SPOP: variants seen among roughly 807,000 people sequenced by gnomAD.
SPOP encodes speckle type BTB/POZ protein.
SPOP carries 11 observed loss-of-function variants against 45.6 expected under a neutral mutation model. That is an observed-to-expected ratio of 0.24 (90% CI 0.15 to 0.40). SPOP has a LOEUF of 0.40. Among genes scored for constraint, SPOP ranks in the 10% least tolerant of loss-of-function variants. The pLI, the probability that SPOP is intolerant of heterozygous loss-of-function variation, is 1.00. For synonymous variants in SPOP, 166 were observed against 166.3 expected (o/e 1.00, Z 0.01); for missense variants, 152 against 465.6 (o/e 0.33, Z 6.20).
intron 1 of SPOP, among the ~76,000 whole-genome samples, chr17:49,631,006 C>A (rs1161321959): frequency 6.6e-6 from 1 of 152,200 alleles, no homozygotes; most frequent in African/African-American, 2.4e-5. Flanking sequence ...TGTTTGATAA[C>A]ACTTACCCAG....
At chr17:49,676,073 T>G (rs140586956) in intron 1 of SPOP, 1 of 152,004 alleles carries the variant, frequency 6.6e-6, no homozygotes. Flanking sequence ...CGAAACCTAC[T>G]GAGAAGACGG....
intron 1 of SPOP, among the ~76,000 whole-genome samples, chr17:49,647,127 T>TA (rs2072770894): frequency 6.6e-6 from 1 of 150,872 alleles, no homozygotes; most frequent in Non-Finnish European, 1.5e-5. Flanking sequence ...CTGTCTCTAT[T>TA]AAAAAATACA....
chr17:49,663,990 G>A (rs935241349), intron 1 of SPOP, among the ~76,000 whole-genome samples: 9 of 152,166 alleles, frequency 5.9e-5, no homozygotes, highest in African/African-American at 2.2e-4. Flanking sequence ...TAAACATTTA[G>A]AAGATCTGCT....
chr17:49,678,126 G>A (rs1048493666), upstream of SPOP: 19 of 395,374 alleles, frequency 4.8e-5, no homozygotes, highest in Admixed American at 1.3e-4. Context: ...CGCAGCCAGC[G>A]CGTACCGCCA....
intron 1 of SPOP, among the ~76,000 whole-genome samples, chr17:49,643,515 T>C (rs1860763449): frequency 6.6e-6 from 1 of 152,212 alleles, no homozygotes. Flanking sequence ...CTAAGAATGC[T>C]TCAAGAAACC....
intron 1 of SPOP, among the ~76,000 whole-genome samples, chr17:49,653,605 G>A (rs2072870548): frequency 6.6e-6 from 1 of 151,688 alleles, no homozygotes. Context: ...TTTTGATATT[G>A]TCAAATTGCC....
At chr17:49,617,923 C>CA (rs907445153) in intron 5 of SPOP, among the ~76,000 whole-genome samples, 3,225 of 55,342 alleles carry the variant, frequency 0.058, 131 homozygotes, top group African/African-American at 0.15. Context: ...GACTCCGTCT[C>CA]AAAAAAAAAA....
In SPOP at chr17:49,617,659, C is replaced by T. The variant is rs193198929; in HGVS notation, c.480+1322G>A. Among the ~76,000 whole-genome samples, 26 of 152,206 alleles carry T rather than the reference C, an allele frequency of 1.7e-4. No homozygotes were observed. In the East Asian group the frequency reaches 5.0e-3, roughly 29 times the overall value. Reference sequence around the variant, plus strand: ...AGAAGGCTGGCTGGGCGTGGTGGCTCACATCTGTAATCCCAACACTTTGGC... The same window carrying T: ...AGAAGGCTGGCTGGGCGTGGTGGCTTACATCTGTAATCCCAACACTTTGGC... On this transcript the variant is annotated intron_variant, in intron 5 of 9. Transcript: ENST00000504102.
chr17:49,656,667 GC>G (rs1388385171), intron 1 of SPOP, among the ~76,000 whole-genome samples: 1 of 152,052 alleles, frequency 6.6e-6, no homozygotes, highest in Admixed American at 6.6e-5. Flanking sequence ...TTTCCTAACT[GC>G]CCCAGTATAC....
intron 9 of SPOP, 90 bp downstream of exon 9, chr17:49,601,775 T>C (rs1597899356): frequency 3.6e-5 from 54 of 1,516,876 alleles, no homozygotes; most frequent in Non-Finnish European, 4.6e-5. Flanking sequence ...ATGAAGCTAC[T>C]TGCCTGCTTT....
chr17:49,677,027 G>A (rs1329625219), intron 1 of SPOP, among the ~76,000 whole-genome samples: 1 of 152,014 alleles, frequency 6.6e-6, no homozygotes, highest in Non-Finnish European at 1.5e-5. Flanking sequence ...GAAGATCTTT[G>A]ACCAAAAAAA....
intron 1 of SPOP, among the ~76,000 whole-genome samples, chr17:49,634,432 A>G (rs1443469990): frequency 1.3e-5 from 2 of 152,236 alleles, no homozygotes; most frequent in Non-Finnish European, 2.9e-5. Flanking sequence ...AGCAGGGAAA[A>G]GCCCTATGGT....
At chr17:49,632,600 C>A (rs1431802064) in intron 1 of SPOP, among the ~76,000 whole-genome samples, 1 of 151,964 alleles carries the variant, frequency 6.6e-6, no homozygotes, top group African/African-American at 2.4e-5. Flanking sequence ...TCAAGCAATT[C>A]TCCCGCCTTA....
chr17:49,611,744 G>A (rs984771865), intron 5 of SPOP, among the ~76,000 whole-genome samples: 1 of 152,008 alleles, frequency 6.6e-6, no homozygotes, highest in African/African-American at 2.4e-5. Context: ...CTACAAACCT[G>A]GGCAAAGGTG....
intron 1 of SPOP, among the ~76,000 whole-genome samples, chr17:49,652,433 A>G (rs1041189302): frequency 6.6e-6 from 1 of 152,184 alleles, no homozygotes; most frequent in Non-Finnish European, 1.5e-5. Flanking sequence ...TGAACTGCCA[A>G]TCTCACCATT....
At chr17:49,603,012 T>C (rs1037462601) in intron 8 of SPOP, among the ~76,000 whole-genome samples, 5 of 152,162 alleles carry the variant, frequency 3.3e-5, no homozygotes, top group Non-Finnish European at 5.9e-5. Context: ...ACAGTTTGCT[T>C]TGAGGCTATG....
intron 1 of SPOP, among the ~76,000 whole-genome samples, chr17:49,624,979 AC>A (rs1302608180): frequency 2.0e-5 from 3 of 152,178 alleles, no homozygotes; most frequent in African/African-American, 7.2e-5. Flanking sequence ...TAGTAACTCC[AC>A]TTTTAACAAT....
At chr17:49,655,117 TAAAAAG>T (rs1488349133) in intron 1 of SPOP, among the ~76,000 whole-genome samples, 1 of 152,160 alleles carries the variant, frequency 6.6e-6, no homozygotes, top group Admixed American at 6.5e-5. Flanking sequence ...TTATATACTT[TAAAAAG>T]AAAGTTACTG....
At chr17:49,626,801 A>G (rs2143334598) in intron 1 of SPOP, among the ~76,000 whole-genome samples, 1 of 152,340 alleles carries the variant, frequency 6.6e-6, no homozygotes, top group South Asian at 2.1e-4. Context: ...ACAGAGTAAT[A>G]CTCATAAATG....
Sources: gnomAD v4.1 joint callset for allele counts (sites outside exome capture counted in the v4.1 genomes callset) on GRCh38, gnomAD v4.1.1 for gene constraint, MANE v1.5 for transcripts, NCBI Gene and HGNC (gene_info 2026-07-23, HGNC 2026-07-21) for gene names.